Variants in RORB observed in about 807,000 individuals in gnomAD.
RORB encodes nuclear receptor ROR-beta.
A neutral mutation model predicts 59.1 loss-of-function variants in RORB; 6 were observed. The ratio of observed to expected loss-of-function variants is 0.10; its 90% CI spans 0.06 to 0.20. RORB has a LOEUF of 0.20. Ranked by LOEUF, RORB falls within the 10% of genes least tolerant of loss-of-function variation. The pLI is 1.00. For synonymous variants in RORB, 215 were observed against 204.5 expected (o/e 1.05, Z -0.44); for missense variants, 320 against 560.5 (o/e 0.57, Z 4.33).
intron 1 of RORB, among the ~76,000 whole-genome samples, chr9:74,552,701 T>C (rs907829873): frequency 1.3e-5 from 2 of 152,066 alleles, no homozygotes; most frequent in Non-Finnish European, 2.9e-5. Context: ...AACTAATATA[T>C]TGAGCACATA....
chr9:74,582,444 T>A (rs749458257), intron 1 of RORB, among the ~76,000 whole-genome samples: 10 of 152,196 alleles, frequency 6.6e-5, no homozygotes, highest in Non-Finnish European at 1.3e-4. Context: ...GGAATGTGAT[T>A]GTTACTCAAA....
chr9:74,564,660 G>A (rs1274447777), intron 1 of RORB, among the ~76,000 whole-genome samples: 2 of 152,168 alleles, frequency 1.3e-5, no homozygotes, highest in Non-Finnish European at 2.9e-5. Context: ...TATGCAGCTG[G>A]TGAAAGGTAG....
intron 1 of RORB, among the ~76,000 whole-genome samples, chr9:74,520,543 T>C (rs1054573248): frequency 1.3e-5 from 2 of 151,918 alleles, no homozygotes; most frequent in African/African-American, 4.8e-5. Flanking sequence ...AGGCAATAAA[T>C]ATCAAATCTA....
chr9:74,558,382 A>G (rs1256312958), intron 1 of RORB, among the ~76,000 whole-genome samples: 2 of 152,146 alleles, frequency 1.3e-5, no homozygotes, highest in African/African-American at 2.4e-5. Flanking sequence ...AGATAGGCCT[A>G]TTACTTCTGC....
intron 1 of RORB, among the ~76,000 whole-genome samples, chr9:74,614,846 C>A (rs918559420): frequency 6.6e-6 from 1 of 152,166 alleles, no homozygotes. Context: ...TCCTTCCTAG[C>A]AAGGATCAGA....
In RORB at chr9:74,665,824, C is replaced by A. The variant is rs140084128; in HGVS notation, c.1000+229C>A. ...GAACTGAGGACCCTCCTGAGAACAA[C>A]CCTATTGAGACATCGTTCATTCAGA... On this transcript the variant is annotated intron_variant, in intron 7 of 9. Coordinates refer to ENST00000376896, the MANE Select transcript of RORB (RefSeq NM_006914.4). Among the ~76,000 whole-genome samples, 580 of 152,286 alleles carry A rather than the reference C, an allele frequency of 3.8e-3. 4 individuals are homozygous for A. Among genetic ancestry groups the A allele is most frequent in the African/African-American group, 0.013 (533 of 41,564 alleles).
chr9:74,547,199 A>T (rs531691587), intron 1 of RORB, among the ~76,000 whole-genome samples: 1 of 152,152 alleles, frequency 6.6e-6, no homozygotes, highest in African/African-American at 2.4e-5. Context: ...GAAAATATGT[A>T]TGAGAGAGAT....
In RORB at chr9:74,663,551, G is replaced by C. The variant is rs546376799; in HGVS notation, c.892+945G>C. Reference sequence around the variant, plus strand: ...ACTGAAGTGTCAACTTGATGTACCAGTCATCTAAACCACTGCAAAATTTAA... The same window carrying C: ...ACTGAAGTGTCAACTTGATGTACCACTCATCTAAACCACTGCAAAATTTAA... On this transcript the variant is annotated intron_variant, in intron 6 of 9. Transcript: ENST00000376896. Among the ~76,000 whole-genome samples, 3 of 152,298 alleles carry C rather than the reference G, an allele frequency of 2.0e-5. No individual in the cohort carries two copies. In the East Asian group the frequency reaches 5.8e-4, roughly 29 times the overall value.
intron 1 of RORB, among the ~76,000 whole-genome samples, chr9:74,509,830 C>T (rs532861428): frequency 6.6e-6 from 1 of 152,098 alleles, no homozygotes; most frequent in African/African-American, 2.4e-5. Flanking sequence ...TAAGAAGGTG[C>T]CATGTCTAAT....
chr9:74,638,834 A>G (rs917535713), intron 3 of RORB, among the ~76,000 whole-genome samples: 2 of 152,230 alleles, frequency 1.3e-5, no homozygotes, highest in African/African-American at 4.8e-5. Context: ...TAAATGGAAA[A>G]TTAATTATAG....
chr9:74,525,222 C>T (rs1391115871), intron 1 of RORB, among the ~76,000 whole-genome samples: 2 of 151,896 alleles, frequency 1.3e-5, no homozygotes, highest in Admixed American at 6.6e-5. Flanking sequence ...ATAATCACTA[C>T]TGTGGCTTAT....
chr9:74,646,143 A>G (rs1587403786), intron 4 of RORB, among the ~76,000 whole-genome samples: 1 of 139,056 alleles, frequency 7.2e-6, no homozygotes, highest in African/African-American at 2.6e-5. Flanking sequence ...AAAAAAAAAA[A>G]TTTAACATCA....
At chr9:74,641,121 G>A (rs547241828) in intron 3 of RORB, among the ~76,000 whole-genome samples, 1 of 152,174 alleles carries the variant, frequency 6.6e-6, no homozygotes, top group Non-Finnish European at 1.5e-5. Context: ...AGAAACTCAG[G>A]GAGGAGCCTC....
chr9:74,674,908 T>C (rs749582846), intron 9 of RORB, among the ~76,000 whole-genome samples: 26 of 152,210 alleles, frequency 1.7e-4, no homozygotes, highest in Non-Finnish European at 2.4e-4. Flanking sequence ...ATTTCCTCAT[T>C]TGTACCATAT....
At chr9:74,606,381 GT>G (rs1161701044) in intron 1 of RORB, among the ~76,000 whole-genome samples, 2 of 152,168 alleles carry the variant, frequency 1.3e-5, no homozygotes, top group African/African-American at 4.8e-5. Flanking sequence ...TCCACATTTA[GT>G]TTGGCAATGT....
intron 1 of RORB, among the ~76,000 whole-genome samples, chr9:74,519,747 G>A (rs1563926992): frequency 6.6e-6 from 1 of 151,848 alleles, no homozygotes; most frequent in Admixed American, 6.6e-5. Context: ...GTCAGGAAGC[G>A]TTTTGGAAAA....
At chr9:74,508,956 A>G (rs1825901139) in intron 1 of RORB, among the ~76,000 whole-genome samples, 1 of 151,804 alleles carries the variant, frequency 6.6e-6, no homozygotes, top group Non-Finnish European at 1.5e-5. Context: ...CTGTATTCGT[A>G]GTAGATATCC....
At chr9:74,647,437 T>TA (rs1296248642) in intron 4 of RORB, among the ~76,000 whole-genome samples, 4 of 152,120 alleles carry the variant, frequency 2.6e-5, no homozygotes, top group Non-Finnish European at 2.9e-5. Context: ...TTTTTATATT[T>TA]AAAAAAATCC....
intron 1 of RORB, among the ~76,000 whole-genome samples, chr9:74,590,898 C>T (rs1025143030): frequency 6.6e-6 from 1 of 152,126 alleles, no homozygotes; most frequent in Non-Finnish European, 1.5e-5. Flanking sequence ...CGGATTCAAG[C>T]AATTCCTCTC....
Sources: allele counts gnomAD v4.1 joint callset (sites outside exome capture counted in the v4.1 genomes callset), GRCh38; gene constraint gnomAD v4.1.1; transcripts MANE v1.5; gene names NCBI Gene and HGNC (gene_info 2026-07-23, HGNC 2026-07-21).